CYP20A1: variants seen among roughly 807,000 people sequenced by gnomAD.
CYP20A1 encodes cytochrome P450 family 20 subfamily A member 1.
In CYP20A1, 61 loss-of-function variants were observed where a neutral mutation model predicts 61.4. The observed-to-expected ratio is 0.99, with a 90% CI of 0.81 to 1.23. The LOEUF (loss-of-function observed/expected upper bound fraction) is 1.23, where lower values mean the gene tolerates loss of function less well. Among genes scored for constraint, CYP20A1 ranks in the 50% most tolerant of loss-of-function variants. The pLI, the probability that CYP20A1 is intolerant of heterozygous loss-of-function variation, is 0.00. For synonymous variants in CYP20A1, 193 were observed against 188.2 expected (o/e 1.03, Z -0.21); for missense variants, 530 against 542.4 (o/e 0.98, Z 0.23).
intron 4 of CYP20A1, among the ~76,000 whole-genome samples, chr2:203,265,048 AAAT>A (rs764084487): frequency 1.4e-4 from 21 of 152,170 alleles, no homozygotes; most frequent in Non-Finnish European, 2.6e-4. Flanking sequence ...CCTTCTTTAG[AAAT>A]AATAAAATAT....
At chr2:203,258,005 G>GAGCATCGA (rs2066988167) in intron 4 of CYP20A1, among the ~76,000 whole-genome samples, 1 of 151,748 alleles carries the variant, frequency 6.6e-6, no homozygotes, top group Non-Finnish European at 1.5e-5. Flanking sequence ...GGGCTGAAGG[G>GAGCATCGA]ATCCTCCTGC....
chr2:203,296,129 T>A (rs879415514), intron 11 of CYP20A1, among the ~76,000 whole-genome samples: 2 of 151,990 alleles, frequency 1.3e-5, no homozygotes, highest in African/African-American at 4.8e-5. Flanking sequence ...CTGGGCCTGG[T>A]GGCATGTGCT....
intron 11 of CYP20A1, among the ~76,000 whole-genome samples, chr2:203,293,522 T>C (rs550492484): frequency 8.0e-5 from 12 of 150,312 alleles, no homozygotes; most frequent in African/African-American, 2.2e-4. Flanking sequence ...TTTTTTTTTT[T>C]CCCCAGTGCA....
intron 4 of CYP20A1, among the ~76,000 whole-genome samples, chr2:203,261,763 G>C (rs552763277): frequency 3.3e-5 from 5 of 151,948 alleles, no homozygotes; most frequent in Admixed American, 1.3e-4. Context: ...GGGTTGCTAT[G>C]GTGCCATATT....
At chr2:203,256,892 A>AT (rs2066913027) in intron 4 of CYP20A1, among the ~76,000 whole-genome samples, 1 of 151,838 alleles carries the variant, frequency 6.6e-6, no homozygotes, top group Admixed American at 6.6e-5. Flanking sequence ...CCTCTGAAAC[A>AT]TTTTTCCCAG....
chr2:203,276,104 G>A (rs1027656977), intron 6 of CYP20A1, among the ~76,000 whole-genome samples: 6 of 152,176 alleles, frequency 3.9e-5, no homozygotes, highest in African/African-American at 1.4e-4. Flanking sequence ...TGGATACCCA[G>A]ATGTTCAAAG....
chr2:203,286,605 A>T (rs777700304), intron 9 of CYP20A1, among the ~76,000 whole-genome samples: 50 of 151,960 alleles, frequency 3.3e-4, no homozygotes, highest in Admixed American at 5.9e-4. Flanking sequence ...ACTGGCTACT[A>T]TATGATTTCC....
chr2:203,284,933 A>G (rs923524788), intron 8 of CYP20A1, among the ~76,000 whole-genome samples: 1 of 151,504 alleles, frequency 6.6e-6, no homozygotes, highest in African/African-American at 2.4e-5. Flanking sequence ...TTTTGTAGAG[A>G]TGGGGTTTTG....
intron 8 of CYP20A1, among the ~76,000 whole-genome samples, chr2:203,285,090 C>T (rs909281105): frequency 2.0e-5 from 3 of 152,032 alleles, no homozygotes; most frequent in Non-Finnish European, 2.9e-5. Context: ...GAGAACTGTT[C>T]TAAGCAATAA....
At position 203,239,135 on chromosome 2, in the gene CYP20A1, G is replaced by C. The variant is rs1298144368; in HGVS notation, c.72+1G>C. ...GGGAGCCGTGCTCTACCTCTATCCG[G>C]TGAGCGCCGTCTTGGCTCTCTGGGG... On this transcript the variant is annotated splice_donor_variant, in intron 1 of 12. Coordinates refer to ENST00000356079, the MANE Select transcript of CYP20A1 (RefSeq NM_177538.3). LOFTEE classifies it high-confidence loss of function. 1.9e-6 allele frequency: 3 copies of C among 1,612,766 alleles called. No homozygotes were observed. The Admixed American group carries it at 5.0e-5, about 27-fold the overall frequency.
intron 6 of CYP20A1, among the ~76,000 whole-genome samples, chr2:203,276,736 C>T (rs962453787): frequency 1.3e-5 from 2 of 152,088 alleles, no homozygotes; most frequent in African/African-American, 2.4e-5. Flanking sequence ...TTCAGACAAC[C>T]AAGTGCAGAG....
chr2:203,279,963 A>G (rs1553517516), intron 7 of CYP20A1, 96 bp from the exon 8 acceptor site: 3 of 737,694 alleles, frequency 4.1e-6, no homozygotes, highest in Admixed American at 7.0e-5. Context: ...TTTTTTTTTC[A>G]TTGACACTAA....
Position 203,297,134 on chromosome 2 carries a change from TCTA to T in CYP20A1, c.*229_*231del, listed in dbSNP as rs1431651882. On this transcript the variant is annotated 3_prime_UTR_variant, in exon 13 of 13. Transcript: ENST00000356079. ...TCATTTTAATGGGAAACTTTAGCTTTCTACTTTTTATTTTTGTTTTTTCACTTT... is the reference window on the plus strand; with the variant it reads ...TCATTTTAATGGGAAACTTTAGCTTTCTTTTTATTTTTGTTTTTTCACTTT... 3.5e-6 allele frequency: 1 copy of T among 286,396 alleles called. No individual in the cohort carries two copies. The highest frequency in any genetic ancestry group is 6.4e-6 in the Non-Finnish European group (1 of 156,572). 17.7% of individuals were successfully genotyped at this position (286,396 alleles called of 1,614,324 possible). A position where few individuals can be genotyped will look rare whatever the true frequency, so the allele number is the denominator to read the frequency against.
chr2:203,289,254 G>A lies in CYP20A1; in HGVS notation c.972-511G>A, dbSNP rs571423741. Among the ~76,000 whole-genome samples, 11 of 152,144 alleles carry A rather than the reference G, an allele frequency of 7.2e-5. No individual in the cohort carries two copies. In the South Asian group the frequency reaches 1.5e-3, roughly 20 times the overall value. On this transcript the variant is annotated intron_variant, in intron 9 of 12. Coordinates refer to ENST00000356079, the MANE Select transcript of CYP20A1 (RefSeq NM_177538.3). The stretch of plus-strand genomic sequence containing the variant: ...TTGTGAATTGCTTTTTGTATTCTCC[G>A]TCCCTGTTTCTATGGGATTGTTGGA...
At chr2:203,280,808 A>G (rs1409997089) in intron 8 of CYP20A1, among the ~76,000 whole-genome samples, 1 of 152,104 alleles carries the variant, frequency 6.6e-6, no homozygotes, top group Non-Finnish European at 1.5e-5. Context: ...TTTTTTCTTA[A>G]CCCCAAGTGC....
intron 11 of CYP20A1, among the ~76,000 whole-genome samples, chr2:203,293,884 T>TTAATA (rs1298905062): frequency 1.3e-5 from 2 of 152,192 alleles, no homozygotes; most frequent in African/African-American, 2.4e-5. Context: ...TGTTTTGTTT[T>TTAATA]TAATATATGC....
intron 3 of CYP20A1, among the ~76,000 whole-genome samples, chr2:203,249,243 G>C (rs545768184): frequency 2.3e-4 from 35 of 152,236 alleles, no homozygotes; most frequent in African/African-American, 7.7e-4. Context: ...GAATGGATGC[G>C]GTAGCACATA....
intron 5 of CYP20A1, among the ~76,000 whole-genome samples, chr2:203,271,927 G>A (rs911336328): frequency 7.2e-5 from 11 of 152,156 alleles, no homozygotes; most frequent in Admixed American, 2.0e-4. Context: ...TCAGGGGGCT[G>A]AGGCTGGGAG....
chr2:203,241,268 T>C (rs927512470), intron 1 of CYP20A1, among the ~76,000 whole-genome samples: 2 of 152,132 alleles, frequency 1.3e-5, no homozygotes, highest in Admixed American at 6.6e-5. Flanking sequence ...GAGTTGGTTT[T>C]GGGTGGGCTA....
Sources: gnomAD v4.1 joint callset for allele counts (sites outside exome capture counted in the v4.1 genomes callset) on GRCh38, gnomAD v4.1.1 for gene constraint, MANE v1.5 for transcripts, NCBI Gene and HGNC (gene_info 2026-07-23, HGNC 2026-07-21) for gene names.